ZPBP2: variants seen among roughly 807,000 people sequenced by gnomAD.
ZPBP2 encodes zona pellucida binding protein 2.
A neutral mutation model predicts 37.5 loss-of-function variants in ZPBP2; 34 were observed. That is an observed-to-expected ratio of 0.91 (90% confidence interval 0.69 to 1.21). The LOEUF (loss-of-function observed/expected upper bound fraction) is 1.21. Ranked by LOEUF, ZPBP2 falls within the 50% of genes most tolerant of loss-of-function variation. The pLI, the probability that ZPBP2 is intolerant of heterozygous loss-of-function variation, is 0.00. For synonymous variants in ZPBP2, 143 were observed against 138.4 expected (o/e 1.03, Z -0.23); for missense variants, 397 against 413.5 (o/e 0.96, Z 0.35).
intron 2 of ZPBP2, among the ~76,000 whole-genome samples, chr17:39,870,245 T>G (rs913462303): frequency 1.3e-5 from 2 of 151,790 alleles, no homozygotes; most frequent in African/African-American, 4.8e-5. Flanking sequence ...GGTTTTGCCG[T>G]TTTCTTCAGG....
chr17:39,875,942 G>A (rs2063388748), intron 7 of ZPBP2, among the ~76,000 whole-genome samples: 1 of 99,680 alleles, frequency 1.0e-5, no homozygotes, highest in Non-Finnish European at 2.1e-5. Context: ...TGTTACCCAG[G>A]CTGCAGTGCA....
chr17:39,870,457 A>G (rs184525456), intron 2 of ZPBP2, among the ~76,000 whole-genome samples: 1 of 152,344 alleles, frequency 6.6e-6, no homozygotes, highest in Admixed American at 6.5e-5. Flanking sequence ...TTTTATAAAC[A>G]AAAGTGTAAT....
At position 39,868,369 on chromosome 17, in the gene ZPBP2, C is replaced by T. The variant is rs1237822219; in HGVS notation, c.15C>T (p.Cys5=). 4.3e-6 allele frequency: 7 copies of T among 1,609,882 alleles called. No homozygotes were observed. The highest frequency in any genetic ancestry group is 5.9e-6 in the Non-Finnish European group (7 of 1,179,962). Residue 5 remains cysteine (C), a synonymous_variant, in exon 1 of 8, where the codon TGC becomes TGT. Transcript: ENST00000348931. MMRT[C]VLLSAVLWCL... is the part of the protein sequence containing the mutation. ...GCCCCTGAGCGATGATGCGAACGTG[C>T]GTCCTACTCTCCGCGGTGCTCTGGT...
rs555278332 is a variant in ZPBP2, at chr17:39,873,173, T to C, written c.708+47T>C. 1.7e-5 allele frequency: 26 copies of C among 1,572,866 alleles called. No homozygotes were observed. In the East Asian group the frequency reaches 6.0e-4, roughly 36 times the overall value. On this transcript the variant is annotated intron_variant, in intron 6 of 7. Coordinates refer to ENST00000348931, the MANE Select transcript of ZPBP2 (RefSeq NM_199321.3). ...AGAAGTATTTGTCTTTTTCTTTTTT[T>C]AGAGACAGGGTGTCACCCAGGCTGG...
intron 7 of ZPBP2, among the ~76,000 whole-genome samples, chr17:39,875,975 A>G (rs1387151565): frequency 7.7e-6 from 1 of 130,346 alleles, no homozygotes; most frequent in Non-Finnish European, 1.5e-5. Flanking sequence ...GCGCAGTCTC[A>G]GCTTATGGCA....
rs778684576 is a variant in ZPBP2 at position 39,876,786 on chromosome 17, A to T, written c.994A>T (p.Lys332Ter). ...TAAATCTTGCCCACAAACTTCAAAC[A>T]AAAATCAGCAATATGAAGATTAGAG... ...GAKSCPQTSN[K>*]NQQYED is the part of the protein sequence containing the mutation. The change falls in exon 8 of 8, where the codon AAA becomes TAA. Residue 332 changes from lysine to a stop codon, truncating the protein, a stop_gained. Coordinates refer to ENST00000348931, the MANE Select transcript of ZPBP2 (RefSeq NM_199321.3). LOFTEE classifies it high-confidence loss of function. 10 of 1,613,880 alleles carry T rather than the reference A, an allele frequency of 6.2e-6. No homozygotes were observed. Among genetic ancestry groups the T allele is most frequent in the Non-Finnish European group, 8.5e-6 (10 of 1,179,830 alleles).
intron 7 of ZPBP2, among the ~76,000 whole-genome samples, chr17:39,875,879 G>GC (rs200216139): frequency 0.14 from 16,133 of 112,644 alleles, 2,525 homozygotes; most frequent in South Asian, 0.16. Flanking sequence ...ACCATGCTTG[G>GC]CCCCTTTTTT....
At chr17:39,869,390 T>C (rs74670549) in intron 2 of ZPBP2, among the ~76,000 whole-genome samples, 355 of 135,654 alleles carry the variant, frequency 2.6e-3, no homozygotes, top group Non-Finnish European at 3.6e-3. Context: ...TCTTTCTTTC[T>C]TTCCTTCCTT....
Position 39,870,797 on chromosome 17 carries a change from G to T in ZPBP2, c.222G>T (p.Gly74=), listed in dbSNP as rs780095385. Residue 74 remains glycine (G), a synonymous_variant, in exon 3 of 8, where the codon GGG becomes GGT. Transcript: ENST00000348931. ...EIVDPTYLWI[G]PNEKTLTGNN... ...TGGACCCCACCTACTTATGGATTGG[G>T]CCTAATGAAAAGACGTTAACAGGTA... is the stretch of plus-strand genomic sequence containing the variant. 1.9e-6 allele frequency: 3 copies of T among 1,550,768 alleles called. No homozygotes were observed. The highest frequency in any genetic ancestry group is 1.8e-5 in the Admixed American group (1 of 56,718).
rs141896432 is a variant in ZPBP2, at chr17:39,875,381, G to C, written c.836G>C (p.Arg279Pro). The change falls in exon 7 of 8, where the codon CGA (arginine) becomes CCA (proline). Residue 279 changes from arginine (R) to proline (P), a missense_variant. Transcript: ENST00000348931. ...SLQVVRLDSC[R>P]PGFGKNERLH... ...CAAGTAGTACGTCTGGATAGCTGTC[G>C]ACCAGGCTTTGGAAAAAATGAACGT... The C allele has an allele frequency of 1.2e-6, 2 of 1,613,610 alleles. No homozygotes were observed. Among genetic ancestry groups the C allele is most frequent in the Non-Finnish European group, 1.7e-6 (2 of 1,179,872 alleles).
Position 39,877,740 on chromosome 17 carries a change from G to T in ZPBP2, c.*931G>T, listed in dbSNP as rs551253891. On this transcript the variant is annotated 3_prime_UTR_variant, in exon 8 of 8. Coordinates refer to ENST00000348931, the MANE Select transcript of ZPBP2 (RefSeq NM_199321.3). Reference sequence around the variant, plus strand: ...TTTCACTTAGCAATATGCATTTAAGGTTCCTCCATGTCTTTTTGTGACTTG... The same window carrying T: ...TTTCACTTAGCAATATGCATTTAAGTTTCCTCCATGTCTTTTTGTGACTTG... 4 of 152,206 alleles carry T rather than the reference G, an allele frequency of 2.6e-5. No homozygotes were observed. The highest frequency in any genetic ancestry group is 5.9e-5 in the Non-Finnish European group (4 of 68,010). 9.4% of individuals were successfully genotyped at this position (152,206 alleles called of 1,614,324 possible).
intron 2 of ZPBP2, among the ~76,000 whole-genome samples, chr17:39,869,798 C>T (rs546671495): frequency 1.2e-3 from 180 of 145,776 alleles, no homozygotes; most frequent in Non-Finnish European, 2.4e-3. Context: ...CTGCAACCTC[C>T]GCCTCCTGGA....
intron 2 of ZPBP2, among the ~76,000 whole-genome samples, chr17:39,870,328 C>T (rs1261613884): frequency 6.6e-6 from 1 of 152,228 alleles, no homozygotes; most frequent in Non-Finnish European, 1.5e-5. Context: ...CAGGCGTGAG[C>T]CACCGTGCCC....
intron 7 of ZPBP2, among the ~76,000 whole-genome samples, chr17:39,875,816 AAAGGATCCGTC>A (rs1211626531): frequency 6.6e-6 from 1 of 150,766 alleles, no homozygotes; most frequent in Non-Finnish European, 1.5e-5. Flanking sequence ...TCCTGACCTC[AAAGGATCCGTC>A]TGCCTTGGCT....
rs775346501 is a variant in ZPBP2, at chr17:39,868,644, A to G, written c.118+30A>G. On this transcript the variant is annotated intron_variant, in intron 2 of 7. Coordinates refer to ENST00000348931, the MANE Select transcript of ZPBP2 (RefSeq NM_199321.3). ...TAAGGGCCTCTGCACACGCGGGCCC[A>G]TTGGAGGGGCCGGAACTGCGAAGCT... 8 of 1,612,250 alleles carry G rather than the reference A, an allele frequency of 5.0e-6. No individual in the cohort carries two copies. The South Asian group carries it at 5.5e-5, about 11-fold the overall frequency.
rs931064467 is a variant in ZPBP2 at position 39,872,385 on chromosome 17, A to C, written c.522A>C (p.Leu174=). 1 of 1,613,508 alleles carries C rather than the reference A, an allele frequency of 6.2e-7. No individual in the cohort carries two copies. Among genetic ancestry groups the C allele is most frequent in the African/African-American group, 1.3e-5 (1 of 75,016 alleles). Residue 174 remains leucine (L), a synonymous_variant, in exon 5 of 8, where the codon CTA becomes CTC. Transcript: ENST00000348931. ...TGCTGAAGAAAATCTTGGATAGTCT[A>C]ATTTCTGATTTGTCATGCCATGTCA... The part of the protein sequence containing the change: ...FRVLKKILDS[L]ISDLSCHVIE...
chr17:39,872,556 T>C (rs2063370392), intron 5 of ZPBP2, 68 bp downstream of exon 5: 1 of 1,023,442 alleles, frequency 9.8e-7, no homozygotes, highest in Non-Finnish European at 1.4e-6. Flanking sequence ...AAAATTACCA[T>C]ATTAATATAA....
At chr17:39,871,434 G>A in intron 3 of ZPBP2, 30 bp from the exon 4 acceptor site, 3 of 1,479,326 alleles carry the variant, frequency 2.0e-6, no homozygotes, top group Non-Finnish European at 2.7e-6. Flanking sequence ...TATGTTATAT[G>A]TTAAATAAGT....
chr17:39,870,647 T>C, intron 2 of ZPBP2, 47 bp from the exon 3 acceptor site: 1 of 1,151,816 alleles, frequency 8.7e-7, no homozygotes, highest in Non-Finnish European at 1.2e-6. Flanking sequence ...TTTCTTAATT[T>C]AATTTTGCTA....
Sources: allele counts gnomAD v4.1 joint callset (sites outside exome capture counted in the v4.1 genomes callset), GRCh38; gene constraint gnomAD v4.1.1; transcripts MANE v1.5; gene names NCBI Gene and HGNC (gene_info 2026-07-23, HGNC 2026-07-21).